FGFR1OP2: variants seen among roughly 807,000 people sequenced by gnomAD.
The protein encoded by FGFR1OP2 is FGFR1 oncogene partner 2, also known as fibroblast growth factor receptor 1 oncogene partner 2.
FGFR1OP2 carries 17 observed loss-of-function variants against 35.2 expected under a neutral mutation model. The ratio of observed to expected loss-of-function variants is 0.48; its 90% CI spans 0.33 to 0.73. FGFR1OP2 has a LOEUF of 0.73. FGFR1OP2 is among the 30% of genes least tolerant of loss of function. FGFR1OP2 has a pLI of 0.02. For missense variants in FGFR1OP2, 251 were observed against 307.3 expected, an observed-to-expected ratio of 0.82 and a Z score of 1.37; for synonymous variants, 105 against 104.6, an observed-to-expected ratio of 1.00 and a Z score of -0.03.
intron 4 of FGFR1OP2, among the ~76,000 whole-genome samples, chr12:26,958,168 C>T (rs1234025595): frequency 6.6e-6 from 1 of 152,138 alleles, no homozygotes; most frequent in East Asian, 1.9e-4. Flanking sequence ...CAAGACCAGC[C>T]TGGGCAACAT....
In FGFR1OP2 at chr12:26,966,214, G is replaced by T. The variant is rs964346991; in HGVS notation, c.*1481G>T. ...ATAGATTTCTTTTTTTCAGTCAGAGGCCTTATTTGATATTTTATAAATAAA... is the reference window on the plus strand; with the variant it reads ...ATAGATTTCTTTTTTTCAGTCAGAGTCCTTATTTGATATTTTATAAATAAA... On this transcript the variant is annotated 3_prime_UTR_variant, in exon 7 of 7. Coordinates refer to ENST00000229395, the MANE Select transcript of FGFR1OP2 (RefSeq NM_015633.3). 1.3e-5 allele frequency: 2 copies of T among 151,852 alleles called. No individual in the cohort carries two copies. Among genetic ancestry groups the T allele is most frequent in the Admixed American group, 1.3e-4 (2 of 15,244 alleles). 9.4% of individuals were successfully genotyped at this position (151,852 alleles called of 1,614,324 possible).
At chr12:26,951,288 C>T (rs888732928) in intron 1 of FGFR1OP2, among the ~76,000 whole-genome samples, 1 of 151,900 alleles carries the variant, frequency 6.6e-6, no homozygotes, top group Non-Finnish European at 1.5e-5. Context: ...GCTGGGATTA[C>T]AGGCACCCCC....
chr12:26,957,682 T>C lies in FGFR1OP2; in HGVS notation c.335T>C (p.Leu112Pro). ...SKYREQMFRL[L>P]MASKKDDPGI... The stretch of plus-strand genomic sequence containing the variant: ...TACCGAGAACAAATGTTTAGATTGC[T>C]AATGGCTAGCAAAAAAGATGATCCG... The change falls in exon 4 of 7, where the codon CTA becomes CCA. Residue 112 changes from leucine to proline, a missense_variant. By Grantham distance (98) the Leu-to-Pro change is moderately conservative. Transcript: ENST00000229395. The C allele has an allele frequency of 6.2e-7, 1 of 1,613,794 alleles. No individual in the cohort carries two copies. Among genetic ancestry groups the C allele is most frequent in the Non-Finnish European group, 8.5e-7 (1 of 1,179,842 alleles).
rs1939153835 is a variant in FGFR1OP2, at chr12:26,964,884, A to T, written c.*151A>T. On this transcript the variant is annotated 3_prime_UTR_variant, in exon 7 of 7. Coordinates refer to ENST00000229395, the MANE Select transcript of FGFR1OP2 (RefSeq NM_015633.3). ...GATAGCAACAAAAAATGCATAGTTA[A>T]TGGTCATAGACTTTATTCCAAAACA... The T allele has an allele frequency of 1.5e-6, 1 of 687,032 alleles. No homozygotes were observed. The allele number at this position is 687,032 out of a possible 1,614,324, so 42.6% of individuals were successfully genotyped here.
rs771289008 is a variant in FGFR1OP2, at chr12:26,964,581, T to C, written c.625-15T>C. The C allele has an allele frequency of 6.2e-7, 1 of 1,607,998 alleles. No homozygotes were observed. On this transcript the variant is annotated splice_polypyrimidine_tract_variant and intron_variant, in intron 6 of 6. Transcript: ENST00000229395. ...GTAGATAGTGACTGCATCTTTGTTT[T>C]TGCTTGCCTTTTAGCAAGAAAACAA...
At position 26,947,573 on chromosome 12, in the gene FGFR1OP2, G is replaced by A. The variant is rs1038060166; in HGVS notation, c.-14-6572G>A. Among the ~76,000 whole-genome samples, 5 of 152,046 alleles carry A rather than the reference G, an allele frequency of 3.3e-5. No homozygotes were observed. The South Asian group carries it at 8.3e-4, about 25-fold the overall frequency. ...ATTTTTAAATTTTTTGTAGAGACAG[G>A]GTTTTGCCATGTTGCCCAGGCTGGT... On this transcript the variant is annotated intron_variant, in intron 1 of 6. Coordinates refer to ENST00000229395, the MANE Select transcript of FGFR1OP2 (RefSeq NM_015633.3).
Position 26,954,144 on chromosome 12 carries a change from G to A in FGFR1OP2, c.-14-1G>A, listed in dbSNP as rs531579559. On this transcript the variant is annotated splice_acceptor_variant, in intron 1 of 6. Coordinates refer to ENST00000229395, the MANE Select transcript of FGFR1OP2 (RefSeq NM_015633.3). LOFTEE classifies it low-confidence loss of function (5UTR_SPLICE). ...AGTCTTGATTTTAATTTTAATTATA[G>A]ATATATCTTTAGAAATGAGTTGCAC... is the stretch of plus-strand genomic sequence containing the variant. The A allele has an allele frequency of 1.1e-5, 17 of 1,565,430 alleles. No homozygotes were observed. The Admixed American group carries it at 3.3e-4, about 30-fold the overall frequency.
rs1238692966 is a variant in FGFR1OP2 at position 26,960,640 on chromosome 12, A to G, written c.510+12A>G. ...AAGCAAATCAGAATGTACACTAAAT[A>G]AACAGTCAACTTTTGGGGTGTGGAT... is the stretch of plus-strand genomic sequence containing the variant. On this transcript the variant is annotated intron_variant, in intron 5 of 6. Coordinates refer to ENST00000229395, the MANE Select transcript of FGFR1OP2 (RefSeq NM_015633.3). The G allele has an allele frequency of 6.2e-7, 1 of 1,609,258 alleles. No homozygotes were observed.
chr12:26,949,865 C>T (rs1938889188), intron 1 of FGFR1OP2, among the ~76,000 whole-genome samples: 1 of 152,108 alleles, frequency 6.6e-6, no homozygotes, highest in African/African-American at 2.4e-5. Context: ...CAGGAGTGAG[C>T]CACCGTGCCT....
chr12:26,951,277 A>G (rs139764745), intron 1 of FGFR1OP2, among the ~76,000 whole-genome samples: 1 of 151,662 alleles, frequency 6.6e-6, no homozygotes, highest in African/African-American at 2.4e-5. Context: ...CCTCCCAAAT[A>G]GCTGGGATTA....
At chr12:26,939,794 C>T (rs887551693) in intron 1 of FGFR1OP2, among the ~76,000 whole-genome samples, 10 of 152,142 alleles carry the variant, frequency 6.6e-5, no homozygotes, top group African/African-American at 1.9e-4. Context: ...CAGTACTTGG[C>T]ACATAGCAAG....
chr12:26,953,268 CAAAAAAAAAAAAA>C (rs10714749), intron 1 of FGFR1OP2, among the ~76,000 whole-genome samples: 1 of 78,314 alleles, frequency 1.3e-5, no homozygotes, highest in Non-Finnish European at 2.4e-5. Context: ...ACTGTGTCTC[CAAAAAAAAAAAAA>C]AAAAAAAAGG....
intron 4 of FGFR1OP2, chr12:26,958,015 T>C (rs1939049754): frequency 3.6e-6 from 1 of 276,358 alleles, no homozygotes; most frequent in African/African-American, 2.3e-5. Flanking sequence ...GATATAAAGG[T>C]AAGTCTGGTC....
intron 4 of FGFR1OP2, among the ~76,000 whole-genome samples, chr12:26,958,344 G>A (rs763994460): frequency 5.9e-5 from 9 of 152,160 alleles, no homozygotes; most frequent in Non-Finnish European, 1.0e-4. Flanking sequence ...CTAGACAACC[G>A]AGTGAGACCC....
chr12:26,965,253 G>A lies in FGFR1OP2; in HGVS notation c.*520G>A, dbSNP rs574068216. 2 of 153,260 alleles carry A rather than the reference G, an allele frequency of 1.3e-5. No homozygotes were observed. Among genetic ancestry groups the A allele is most frequent in the East Asian group, 3.8e-4 (2 of 5,204 alleles). 9.5% of individuals were successfully genotyped at this position (153,260 alleles called of 1,614,324 possible). ...TGTGAAAGAAAATACAGTTTTAAAG[G>A]CTATAGGAATGTGTTATATGTACCT... On this transcript the variant is annotated 3_prime_UTR_variant, in exon 7 of 7. Coordinates refer to ENST00000229395, the MANE Select transcript of FGFR1OP2 (RefSeq NM_015633.3).
intron 1 of FGFR1OP2, among the ~76,000 whole-genome samples, chr12:26,948,253 G>C (rs1938860706): frequency 6.6e-6 from 1 of 152,036 alleles, no homozygotes; most frequent in South Asian, 2.1e-4. Context: ...AATTTCAGTT[G>C]GTCTTCCTTT....
chr12:26,949,780 T>G (rs770703691), intron 1 of FGFR1OP2, among the ~76,000 whole-genome samples: 13 of 150,862 alleles, frequency 8.6e-5, no homozygotes, highest in Non-Finnish European at 7.4e-5. Flanking sequence ...GGTTTCATCA[T>G]TATTGGTCAG....
At chr12:26,941,197 G>A (rs1260304686) in intron 1 of FGFR1OP2, among the ~76,000 whole-genome samples, 7 of 152,060 alleles carry the variant, frequency 4.6e-5, no homozygotes, top group Admixed American at 4.6e-4. Context: ...GTTAAGGTAG[G>A]CACTATAAAA....
intron 1 of FGFR1OP2, among the ~76,000 whole-genome samples, chr12:26,943,791 C>G (rs1938776184): frequency 6.6e-6 from 1 of 152,170 alleles, no homozygotes; most frequent in African/African-American, 2.4e-5. Flanking sequence ...TACCGCTGCA[C>G]TCCAGCAGCC....
Sources: gnomAD v4.1 joint callset for allele counts (sites outside exome capture counted in the v4.1 genomes callset) on GRCh38, gnomAD v4.1.1 for gene constraint, MANE v1.5 for transcripts, NCBI Gene and HGNC (gene_info 2026-07-23, HGNC 2026-07-21) for gene names.